The following AGBL4 variants were observed in gnomAD, a reference collection of about 807,000 sequenced individuals.
The protein encoded by AGBL4 is AGBL carboxypeptidase 4.
In AGBL4, 58 loss-of-function variants were observed where a neutral mutation model predicts 66.4. The ratio of observed to expected loss-of-function variants is 0.87; its 90% CI spans 0.71 to 1.09. The LOEUF (loss-of-function observed/expected upper bound fraction) is 1.09, where lower values mean the gene tolerates loss of function less well. AGBL4 is among the 50% of genes least tolerant of loss of function. AGBL4 has a pLI of 0.00. For synonymous variants in AGBL4, 234 were observed against 222.9 expected (o/e 1.05, Z -0.44); for missense variants, 579 against 631.0 (o/e 0.92, Z 0.88).
At chr1:49,466,689 T>C (rs930874165) in intron 3 of AGBL4, among the ~76,000 whole-genome samples, 1 of 151,798 alleles carries the variant, frequency 6.6e-6, no homozygotes, top group African/African-American at 2.4e-5. Flanking sequence ...GGCTCCTTCT[T>C]ACTCTGAAAA....
intron 12 of AGBL4, among the ~76,000 whole-genome samples, chr1:48,536,674 T>C (rs1643976721): frequency 2.6e-5 from 4 of 152,200 alleles, no homozygotes; most frequent in African/African-American, 9.6e-5. Flanking sequence ...AACCTCACCA[T>C]GGAGCCAGCC....
intron 3 of AGBL4, among the ~76,000 whole-genome samples, chr1:49,651,079 G>A (rs143624935): frequency 1.3e-5 from 2 of 152,320 alleles, no homozygotes; most frequent in African/African-American, 2.4e-5. Flanking sequence ...TGGAATGGGG[G>A]AAGAGGATCT....
intron 3 of AGBL4, among the ~76,000 whole-genome samples, chr1:49,684,562 T>C (rs1405199446): frequency 6.6e-6 from 1 of 152,192 alleles, no homozygotes; most frequent in Non-Finnish European, 1.5e-5. Context: ...CCATGTCATG[T>C]CACATCAATC....
intron 4 of AGBL4, among the ~76,000 whole-genome samples, chr1:49,085,763 C>T (rs1644895591): frequency 6.6e-6 from 1 of 152,140 alleles, no homozygotes; most frequent in Non-Finnish European, 1.5e-5. Context: ...GATTCATACT[C>T]TCCAAAGGGA....
intron 3 of AGBL4, among the ~76,000 whole-genome samples, chr1:49,380,608 T>C (rs1244279979): frequency 3.6e-4 from 54 of 151,046 alleles, no homozygotes; most frequent in East Asian, 5.8e-4. Flanking sequence ...TACAAGGCTA[T>C]AGTAACCAAA....
intron 5 of AGBL4, among the ~76,000 whole-genome samples, chr1:49,042,486 T>C (rs1274568804): frequency 2.0e-5 from 3 of 152,200 alleles, no homozygotes; most frequent in Non-Finnish European, 4.4e-5. Context: ...ACTTCATTTC[T>C]TTTCCTTCCT....
intron 5 of AGBL4, among the ~76,000 whole-genome samples, chr1:48,989,755 T>C (rs920733218): frequency 2.6e-5 from 4 of 152,208 alleles, no homozygotes; most frequent in African/African-American, 9.6e-5. Context: ...ATGGACCACA[T>C]TTTCTTTACC....
chr1:48,627,094 G>A (rs2148404977), intron 9 of AGBL4, among the ~76,000 whole-genome samples: 1 of 152,116 alleles, frequency 6.6e-6, no homozygotes, highest in Non-Finnish European at 1.5e-5. Flanking sequence ...CTCTCCTCTG[G>A]GCCAATGGAC....
chr1:49,654,807 C>T (rs1646087428), intron 3 of AGBL4, among the ~76,000 whole-genome samples: 1 of 152,120 alleles, frequency 6.6e-6, no homozygotes, highest in South Asian at 2.1e-4. Flanking sequence ...TATTTTGAGC[C>T]TATGTGTGTC....
At chr1:49,515,620 A>G (rs1259398178) in intron 3 of AGBL4, among the ~76,000 whole-genome samples, 1 of 151,758 alleles carries the variant, frequency 6.6e-6, no homozygotes, top group African/African-American at 2.4e-5. Flanking sequence ...TCACAATAGC[A>G]AAGACTTGGA....
chr1:49,597,460 G>C (rs1644873167), intron 3 of AGBL4, among the ~76,000 whole-genome samples: 1 of 152,186 alleles, frequency 6.6e-6, no homozygotes, highest in Admixed American at 6.5e-5. Flanking sequence ...CTGACACTTA[G>C]TTGAAAATTT....
intron 12 of AGBL4, among the ~76,000 whole-genome samples, chr1:48,538,415 G>A (rs1644008166): frequency 6.6e-6 from 1 of 152,178 alleles, no homozygotes; most frequent in Non-Finnish European, 1.5e-5. Context: ...TTATAGGTAA[G>A]TAGAAAAAAG....
At chr1:49,410,496 T>G (rs1447633949) in intron 3 of AGBL4, among the ~76,000 whole-genome samples, 1 of 152,124 alleles carries the variant, frequency 6.6e-6, no homozygotes, top group Non-Finnish European at 1.5e-5. Context: ...ATGAATAATA[T>G]TATCAACTAA....
chr1:49,655,462 T>A (rs13375145), intron 3 of AGBL4, among the ~76,000 whole-genome samples: 10,641 of 152,154 alleles, frequency 0.07, 1,176 homozygotes, highest in African/African-American at 0.23. Flanking sequence ...TCTCTGTATT[T>A]CCTGAATTTG....
chr1:49,509,721 T>C (rs1649031104), intron 3 of AGBL4, among the ~76,000 whole-genome samples: 2 of 152,000 alleles, frequency 1.3e-5, no homozygotes, highest in Admixed American at 6.6e-5. Flanking sequence ...TGAATCTCAA[T>C]TTTTCTGCTT....
intron 6 of AGBL4, among the ~76,000 whole-genome samples, chr1:48,686,585 A>G (rs1174760997): frequency 6.6e-6 from 1 of 152,230 alleles, no homozygotes; most frequent in Non-Finnish European, 1.5e-5. Context: ...AAGAAACAAG[A>G]GAAAAAAGGG....
intron 3 of AGBL4, among the ~76,000 whole-genome samples, chr1:49,334,325 C>T (rs1053003895): frequency 2.6e-5 from 4 of 152,172 alleles, no homozygotes; most frequent in African/African-American, 9.7e-5. Flanking sequence ...TGACCTCATA[C>T]TTCTCTTTTC....
At chr1:48,900,476 T>G (rs1651976912) in intron 5 of AGBL4, among the ~76,000 whole-genome samples, 1 of 152,208 alleles carries the variant, frequency 6.6e-6, no homozygotes, top group African/African-American at 2.4e-5. Context: ...TGACACTACC[T>G]GATTTAAAGA....
intron 6 of AGBL4, among the ~76,000 whole-genome samples, chr1:48,707,967 A>C (rs1484626499): frequency 6.6e-6 from 1 of 152,200 alleles, no homozygotes; most frequent in Non-Finnish European, 1.5e-5. Context: ...TTGGGTGGGC[A>C]CTTTCCATGT....
Sources: allele counts gnomAD v4.1 joint callset (sites outside exome capture counted in the v4.1 genomes callset), GRCh38; gene constraint gnomAD v4.1.1; transcripts MANE v1.5; gene names NCBI Gene and HGNC (gene_info 2026-07-23, HGNC 2026-07-21).